The following TAF1 variants were observed in gnomAD, a reference collection of about 807,000 sequenced individuals.
The protein encoded by TAF1 is transcription initiation factor TFIID subunit 1.
TAF1 carries 2 observed loss-of-function variants against 138.5 expected under a neutral mutation model. That is an observed-to-expected ratio of 0.01 (90% CI 0.01 to 0.05). The LOEUF (loss-of-function observed/expected upper bound fraction) is 0.05. Ranked by LOEUF, TAF1 falls within the 10% of genes least tolerant of loss-of-function variation. The probability of loss-of-function intolerance (pLI) is 1.00; values close to 1 mark genes in which losing one functional copy is unlikely to be tolerated. For synonymous variants in TAF1, 437 were observed against 503.2 expected (o/e 0.87, Z 1.76); for missense variants, 709 against 1,478.0 (o/e 0.48, Z 8.53).
intron 14 of TAF1, 56 bp from the exon 15 acceptor site, chrX:71,387,205 G>T: frequency 2.6e-6 from 3 of 1,157,863 alleles, no homozygotes; most frequent in South Asian, 3.7e-5. Flanking sequence ...CTCAGCAGTT[G>T]ACTGAATTTC....
chrX:71,399,741 T>A (rs964740687), intron 24 of TAF1, among the ~76,000 whole-genome samples: 28 of 109,309 alleles, frequency 2.6e-4, no homozygotes, highest in African/African-American at 9.3e-4. Flanking sequence ...CCAGCTAATT[T>A]TTTTTTTGAG....
intron 34 of TAF1, among the ~76,000 whole-genome samples, chrX:71,457,923 C>T (rs989285582): frequency 1.8e-5 from 2 of 112,252 alleles, no homozygotes; most frequent in Non-Finnish European, 3.8e-5. Context: ...AAGCCTTGGG[C>T]CTAAAAACCG....
chrX:71,483,774 C>CTATATA (rs1214664557), intron 13 of TAF1, among the ~76,000 whole-genome samples: 92 of 70,343 alleles, frequency 1.3e-3, no homozygotes, highest in East Asian at 2.8e-3. Context: ...CTCTCTCTCT[C>CTATATA]TCTCTCTATA....
intron 13 of TAF1, among the ~76,000 whole-genome samples, chrX:71,481,260 C>T (rs749063161): frequency 2.7e-5 from 3 of 111,943 alleles, no homozygotes; most frequent in Non-Finnish European, 5.6e-5. Context: ...GCCTGGGCAA[C>T]AAGAGTGAAA....
chrX:71,414,013 G>C (rs995698197), intron 28 of TAF1: 7 of 107,653 alleles, frequency 6.5e-5, no homozygotes, highest in Admixed American at 5.1e-4. Context: ...AAAGACATTT[G>C]TTGTATAACT....
chrX:71,495,791 A>T (rs1363560459), intron 13 of TAF1, among the ~76,000 whole-genome samples: 4 of 111,705 alleles, frequency 3.6e-5, no homozygotes, highest in African/African-American at 1.3e-4. Context: ...TATAAGTAGG[A>T]GTATTGGTTG....
chrX:71,386,201 A>T (rs1172479077), intron 14 of TAF1, among the ~76,000 whole-genome samples: 4 of 109,940 alleles, frequency 3.6e-5, no homozygotes, highest in African/African-American at 1.3e-4. Context: ...ATTCTTCTGT[A>T]ATTCTTTTTC....
intron 13 of TAF1, among the ~76,000 whole-genome samples, chrX:71,518,749 G>A (rs1281923049): frequency 1.1e-5 from 1 of 92,033 alleles, no homozygotes; most frequent in Non-Finnish European, 2.1e-5. Context: ...GGGCTGGAGT[G>A]CAGTGGCGCA....
chrX:71,470,693 T>A (rs1415474053), downstream of TAF1, among the ~76,000 whole-genome samples: 1 of 106,027 alleles, frequency 9.4e-6, no homozygotes, highest in Non-Finnish European at 1.9e-5. Context: ...ATTCATATTT[T>A]AAAAAAAGAA....
chrX:71,432,018 A>AAATTACC (rs1261692730), intron 32 of TAF1, among the ~76,000 whole-genome samples: 5 of 111,644 alleles, frequency 4.5e-5, no homozygotes, highest in Non-Finnish European at 9.4e-5. Flanking sequence ...CAAAGAGGGA[A>AAATTACC]AATTACCAAC....
intron 32 of TAF1, among the ~76,000 whole-genome samples, chrX:71,440,966 T>C (rs2037386692): frequency 9.1e-6 from 1 of 110,446 alleles, no homozygotes; most frequent in South Asian, 3.9e-4. Context: ...CTTCTTGTTA[T>C]CTTTGCTCAC....
At chrX:71,483,137 T>G in intron 13 of TAF1, among the ~76,000 whole-genome samples, 1 of 102,462 alleles carries the variant, frequency 9.8e-6, no homozygotes, top group South Asian at 5.1e-4. Flanking sequence ...GACTGGCTTT[T>G]TTTTTTTTCT....
At chrX:71,527,386 CAAAAAA>C (rs397952861) in intron 13 of TAF1, among the ~76,000 whole-genome samples, 1 of 43,502 alleles carries the variant, frequency 2.3e-5, no homozygotes, top group South Asian at 1.1e-3. Context: ...AACTCCGTCT[CAAAAAA>C]AAAAAAAAAA....
At chrX:71,482,990 C>T (rs1254521679) in intron 13 of TAF1, among the ~76,000 whole-genome samples, 1 of 110,114 alleles carries the variant, frequency 9.1e-6, no homozygotes, top group Non-Finnish European at 1.9e-5. Flanking sequence ...ACTTTTTTTT[C>T]CTCTTTTGAG....
At chrX:71,492,252 C>A in intron 13 of TAF1, 1 of 130,569 alleles carries the variant, frequency 7.7e-6, no homozygotes, top group Non-Finnish European at 1.7e-5. Flanking sequence ...GATCATCTCC[C>A]AGTAGGAGGG....
intron 26 of TAF1, 97 bp downstream of exon 26, chrX:71,406,843 C>A: frequency 1.6e-6 from 1 of 639,359 alleles, no homozygotes; most frequent in Non-Finnish European, 2.4e-6. Flanking sequence ...TCTCCAGTTG[C>A]CTTGCCCTGA....
intron 22 of TAF1, among the ~76,000 whole-genome samples, chrX:71,396,022 G>A (rs570241561): frequency 1.8e-5 from 2 of 109,324 alleles, no homozygotes; most frequent in African/African-American, 6.7e-5. Context: ...GATGGTGGGT[G>A]CCTGTAATCC....
chrX:71,482,503 G>T (rs1169631657), intron 13 of TAF1, among the ~76,000 whole-genome samples: 1 of 112,372 alleles, frequency 8.9e-6, no homozygotes, highest in Non-Finnish European at 1.9e-5. Flanking sequence ...GAGTCACAGG[G>T]ATTTTTTTGT....
At chrX:71,489,868 G>A (rs746404209) in intron 13 of TAF1, among the ~76,000 whole-genome samples, 7 of 111,405 alleles carry the variant, frequency 6.3e-5, no homozygotes, top group East Asian at 5.6e-4. Context: ...TATAAAGTAC[G>A]TAAGAAGCTG....
Sources: gnomAD v4.1 joint callset for allele counts (sites outside exome capture counted in the v4.1 genomes callset) on GRCh38, gnomAD v4.1.1 for gene constraint, MANE v1.5 for transcripts, NCBI Gene and HGNC (gene_info 2026-07-23, HGNC 2026-07-21) for gene names.